The following FSTL5 variants were observed in gnomAD, a reference collection of about 807,000 sequenced individuals.
FSTL5 encodes the protein follistatin like 5.
In FSTL5, 62 loss-of-function variants were observed where a neutral mutation model predicts 89.1. That is an observed-to-expected ratio of 0.70 (90% CI 0.57 to 0.86). The LOEUF is 0.86. Among genes scored for constraint, FSTL5 ranks in the 40% least tolerant of loss-of-function variants. The pLI, the probability that FSTL5 is intolerant of heterozygous loss-of-function variation, is 0.00. For missense variants in FSTL5, 1,057 were observed against 1,001.6 expected (o/e 1.06, Z -0.75); for synonymous variants, 383 against 346.2 (o/e 1.11, Z -1.18).
intron 3 of FSTL5, among the ~76,000 whole-genome samples, chr4:162,008,410 T>C (rs1379990455): frequency 1.3e-5 from 2 of 151,892 alleles, no homozygotes; most frequent in Non-Finnish European, 2.9e-5. Flanking sequence ...TTCAGATTGC[T>C]TAGGCCCATC....
At chr4:161,689,489 T>G (rs940187313) in intron 6 of FSTL5, among the ~76,000 whole-genome samples, 5 of 152,150 alleles carry the variant, frequency 3.3e-5, no homozygotes, top group African/African-American at 1.2e-4. Context: ...ACTAAGTAAT[T>G]TTTGATATGT....
chr4:161,646,526 G>A (rs1412282694), intron 7 of FSTL5, among the ~76,000 whole-genome samples: 1 of 151,806 alleles, frequency 6.6e-6, no homozygotes, highest in East Asian at 1.9e-4. Flanking sequence ...ATAAAATCCA[G>A]ACATATTATG....
chr4:161,743,002 T>C (rs1248669665), intron 6 of FSTL5, among the ~76,000 whole-genome samples: 1 of 152,172 alleles, frequency 6.6e-6, no homozygotes, highest in Non-Finnish European at 1.5e-5. Context: ...TTTCCTACCA[T>C]TCCTTGGGTG....
At chr4:161,650,091 A>T (rs1233706725) in intron 7 of FSTL5, among the ~76,000 whole-genome samples, 1 of 152,218 alleles carries the variant, frequency 6.6e-6, no homozygotes, top group Non-Finnish European at 1.5e-5. Flanking sequence ...ATTTTCCCCC[A>T]ATCTATTCTA....
chr4:162,129,661 C>G (rs1004260062), intron 1 of FSTL5, among the ~76,000 whole-genome samples: 6 of 152,086 alleles, frequency 3.9e-5, no homozygotes, highest in Non-Finnish European at 8.8e-5. Context: ...TCTCACAGCT[C>G]CAATGCTGAA....
At chr4:162,056,245 G>A (rs1320512276) in intron 2 of FSTL5, among the ~76,000 whole-genome samples, 1 of 152,094 alleles carries the variant, frequency 6.6e-6, no homozygotes, top group Non-Finnish European at 1.5e-5. Context: ...TAACAAAAAT[G>A]GGTTACATAT....
At chr4:162,136,830 C>A (rs1304586900) in intron 1 of FSTL5, among the ~76,000 whole-genome samples, 1 of 151,802 alleles carries the variant, frequency 6.6e-6, no homozygotes, top group African/African-American at 2.4e-5. Flanking sequence ...AATCCTGAAA[C>A]ATTTCTCAGA....
chr4:161,593,806 G>C (rs1733916299), intron 7 of FSTL5, among the ~76,000 whole-genome samples: 1 of 152,016 alleles, frequency 6.6e-6, no homozygotes, highest in Non-Finnish European at 1.5e-5. Context: ...CAATAGGAGA[G>C]GATTTGGAGC....
chr4:161,555,340 CAA>C (rs1312998699), intron 8 of FSTL5, among the ~76,000 whole-genome samples: 1 of 151,156 alleles, frequency 6.6e-6, no homozygotes, highest in Non-Finnish European at 1.5e-5. Flanking sequence ...CTCTGAAACA[CAA>C]AAGAAAATAT....
intron 4 of FSTL5, among the ~76,000 whole-genome samples, chr4:161,805,497 T>C (rs191681170): frequency 2.0e-5 from 3 of 152,160 alleles, no homozygotes; most frequent in Admixed American, 2.0e-4. Context: ...GTTGCAGAGT[T>C]TGGTAACTGC....
At chr4:161,862,561 T>C (rs967077346) in intron 4 of FSTL5, among the ~76,000 whole-genome samples, 12 of 152,064 alleles carry the variant, frequency 7.9e-5, no homozygotes, top group African/African-American at 2.9e-4. Context: ...GGTGAAACCC[T>C]GTCTCTACTA....
chr4:161,569,337 T>C (rs1732924850), intron 8 of FSTL5, among the ~76,000 whole-genome samples: 1 of 152,052 alleles, frequency 6.6e-6, no homozygotes, highest in African/African-American at 2.4e-5. Context: ...GGCCCAAGGG[T>C]TACCTGTTTC....
At chr4:161,987,139 C>G (rs1735985161) in intron 3 of FSTL5, among the ~76,000 whole-genome samples, 1 of 152,120 alleles carries the variant, frequency 6.6e-6, no homozygotes, top group South Asian at 2.1e-4. Context: ...CTAGTTTTGT[C>G]TTATCAAACC....
At chr4:161,878,762 A>G (rs1017088522) in intron 4 of FSTL5, among the ~76,000 whole-genome samples, 2 of 152,282 alleles carry the variant, frequency 1.3e-5, no homozygotes, top group Middle Eastern at 3.4e-3. Flanking sequence ...TTTTAATGAA[A>G]TTAAATGCCC....
chr4:162,041,530 C>T (rs1737958555), intron 2 of FSTL5, among the ~76,000 whole-genome samples: 1 of 152,092 alleles, frequency 6.6e-6, no homozygotes, highest in Non-Finnish European at 1.5e-5. Context: ...TGTCAGTCAA[C>T]AGTCAACCAA....
intron 1 of FSTL5, among the ~76,000 whole-genome samples, chr4:162,145,072 T>C (rs201037995): frequency 8.8e-5 from 8 of 91,252 alleles, no homozygotes; most frequent in African/African-American, 2.9e-4. Flanking sequence ...ATATACAATG[T>C]ATATTCATAT....
chr4:161,670,615 A>G (rs1737065635), intron 6 of FSTL5, among the ~76,000 whole-genome samples: 1 of 152,224 alleles, frequency 6.6e-6, no homozygotes. Flanking sequence ...TTGCCTAATA[A>G]CAAACTGCTA....
chr4:161,875,563 T>G (rs1224752515), intron 4 of FSTL5, among the ~76,000 whole-genome samples: 1 of 152,180 alleles, frequency 6.6e-6, no homozygotes, highest in Non-Finnish European at 1.5e-5. Context: ...AAGGAGATTC[T>G]GTATCCGGGC....
At chr4:161,859,496 C>T (rs1731832110) in intron 4 of FSTL5, among the ~76,000 whole-genome samples, 1 of 152,148 alleles carries the variant, frequency 6.6e-6, no homozygotes, top group African/African-American at 2.4e-5. Context: ...ATAACTGTTA[C>T]TCTAAAATAG....
Sources: allele counts gnomAD v4.1 joint callset (sites outside exome capture counted in the v4.1 genomes callset), GRCh38; gene constraint gnomAD v4.1.1; transcripts MANE v1.5; gene names NCBI Gene and HGNC (gene_info 2026-07-23, HGNC 2026-07-21).